ADGRB3: variants seen among roughly 807,000 people sequenced by gnomAD.
ADGRB3 encodes brain-specific angiogenesis inhibitor 3.
A neutral mutation model predicts 193.4 loss-of-function variants in ADGRB3; 37 were observed. The observed-to-expected ratio is 0.19, with a 90% CI of 0.15 to 0.25. The LOEUF (loss-of-function observed/expected upper bound fraction) is 0.25. ADGRB3 is among the 10% of genes least tolerant of loss of function. The pLI, the probability that ADGRB3 is intolerant of heterozygous loss-of-function variation, is 1.00. For missense variants in ADGRB3, 1,637 were observed against 1,852.9 expected, an observed-to-expected ratio of 0.88 and a Z score of 2.14; for synonymous variants, 690 against 644.2, an observed-to-expected ratio of 1.07 and a Z score of -1.08.
intron 20 of ADGRB3, among the ~76,000 whole-genome samples, chr6:69,303,587 A>AT (rs1456704460): frequency 6.6e-6 from 1 of 151,784 alleles, no homozygotes; most frequent in Non-Finnish European, 1.5e-5. Context: ...ACATTCAGCA[A>AT]TTTTTTTCCT....
At chr6:69,106,001 T>C (rs537866665) in intron 17 of ADGRB3, among the ~76,000 whole-genome samples, 86 of 151,646 alleles carry the variant, frequency 5.7e-4, no homozygotes, top group African/African-American at 1.9e-3. Context: ...CAGGACATGG[T>C]GGCTCGTGCC....
At chr6:68,771,509 G>T (rs1480364774) in intron 3 of ADGRB3, among the ~76,000 whole-genome samples, 1 of 151,934 alleles carries the variant, frequency 6.6e-6, no homozygotes, top group South Asian at 2.1e-4. Context: ...CCCTTTTAAA[G>T]ACAATAGTCA....
intron 17 of ADGRB3, among the ~76,000 whole-genome samples, chr6:69,204,086 A>C (rs1765487444): frequency 6.6e-6 from 1 of 151,454 alleles, no homozygotes; most frequent in Non-Finnish European, 1.5e-5. Context: ...CTGGCTGACC[A>C]GTGATGCACT....
chr6:69,081,705 T>A (rs1582446865), intron 17 of ADGRB3, among the ~76,000 whole-genome samples: 1 of 152,072 alleles, frequency 6.6e-6, no homozygotes, highest in East Asian at 1.9e-4. Flanking sequence ...TTAGAATGTT[T>A]TAAGTTACAT....
rs1288961375 is a variant in ADGRB3 at position 68,972,999 on chromosome 6, T to C, written c.1526-1764T>C. 2.0e-5 allele frequency among the ~76,000 whole-genome samples: 3 copies of C among 152,178 alleles called. No individual in the cohort carries two copies. In the East Asian group the frequency reaches 5.8e-4, roughly 29 times the overall value. On this transcript the variant is annotated intron_variant, in intron 8 of 31. Transcript: ENST00000370598. The stretch of plus-strand genomic sequence containing the variant: ...AGACAGCTTATGAAAGTGGGGCTGG[T>C]GAAGGTTGAATTAACTGCTAAACCC...
At position 69,112,174 on chromosome 6, in the gene ADGRB3, C is replaced by T. The variant is rs534560050; in HGVS notation, c.2480+36136C>T. 3.2e-3 allele frequency among the ~76,000 whole-genome samples: 494 copies of T among 152,244 alleles called. 1 individual carries two copies. Among genetic ancestry groups the T allele is most frequent in the Middle Eastern group, 0.014 (4 of 294 alleles). ...GAGGTAGCGCTGGTCCTTGTGGTTA[C>T]GTGAGCACGCCCCACCCAATGGCTG... On this transcript the variant is annotated intron_variant, in intron 17 of 31. Coordinates refer to ENST00000370598, the MANE Select transcript of ADGRB3 (RefSeq NM_001704.3).
intron 3 of ADGRB3, among the ~76,000 whole-genome samples, chr6:68,664,232 T>A (rs1039110776): frequency 6.6e-6 from 1 of 151,854 alleles, no homozygotes; most frequent in South Asian, 2.1e-4. Flanking sequence ...AATACCGATT[T>A]TTTTTTAGTA....
intron 3 of ADGRB3, among the ~76,000 whole-genome samples, chr6:68,849,317 C>T (rs501140): frequency 0.48 from 72,205 of 151,352 alleles, 17,852 homozygotes; most frequent in East Asian, 0.6. Context: ...AGCATCTAAG[C>T]TACACATTTA....
intron 3 of ADGRB3, among the ~76,000 whole-genome samples, chr6:68,886,787 G>A (rs1479770977): frequency 1.3e-5 from 2 of 151,846 alleles, no homozygotes; most frequent in African/African-American, 4.8e-5. Flanking sequence ...TATCACTTTT[G>A]TTATGGAAAT....
rs1333679032 is a variant in ADGRB3 at position 68,956,864 on chromosome 6, AAG to A, written c.1525+57_1525+58del. 5 of 1,575,830 alleles carry A rather than the reference AAG, an allele frequency of 3.2e-6. No homozygotes were observed. In the African/African-American group the frequency reaches 6.8e-5, roughly 21 times the overall value. On this transcript the variant is annotated intron_variant, in intron 8 of 31. Coordinates refer to ENST00000370598, the MANE Select transcript of ADGRB3 (RefSeq NM_001704.3). ...AAACATTTCATAACGTGAAAAAAAA[AAG>A]ATTTAAAAATATTGTCATTGGTTAA...
chr6:68,939,271 T>A (rs1427040955), intron 5 of ADGRB3, among the ~76,000 whole-genome samples: 1 of 152,132 alleles, frequency 6.6e-6, no homozygotes, highest in African/African-American at 2.4e-5. Flanking sequence ...ATTTGAAAAA[T>A]CAGATCTTGG....
At chr6:68,906,280 C>A (rs1266310613) in intron 3 of ADGRB3, among the ~76,000 whole-genome samples, 1 of 149,272 alleles carries the variant, frequency 6.7e-6, no homozygotes, top group African/African-American at 2.5e-5. Flanking sequence ...GGCCTACAAG[C>A]AAGAAGGTAT....
chr6:68,876,625 A>G (rs900384402), intron 3 of ADGRB3, among the ~76,000 whole-genome samples: 2 of 152,136 alleles, frequency 1.3e-5, no homozygotes, highest in Non-Finnish European at 2.9e-5. Context: ...TGTTTTCCAT[A>G]TATTGTTAGT....
At chr6:69,152,416 T>C (rs1258542192) in intron 17 of ADGRB3, among the ~76,000 whole-genome samples, 1 of 152,194 alleles carries the variant, frequency 6.6e-6, no homozygotes, top group Admixed American at 6.5e-5. Flanking sequence ...ATAAATGTTC[T>C]CCTATTATGT....
chr6:68,953,521 A>G (rs1034008513), intron 6 of ADGRB3, among the ~76,000 whole-genome samples: 18 of 152,196 alleles, frequency 1.2e-4, no homozygotes, highest in Non-Finnish European at 2.6e-4. Flanking sequence ...AAATTCTGAA[A>G]TGAAAAATGC....
intron 17 of ADGRB3, among the ~76,000 whole-genome samples, chr6:69,212,534 AAT>A (rs1184569568): frequency 6.7e-6 from 1 of 149,812 alleles, no homozygotes; most frequent in Non-Finnish European, 1.5e-5. Flanking sequence ...AGAAAAAAAA[AAT>A]AAAGGATCCC....
intron 16 of ADGRB3, among the ~76,000 whole-genome samples, chr6:69,067,700 C>T (rs1771947822): frequency 6.6e-6 from 1 of 151,986 alleles, no homozygotes; most frequent in Admixed American, 6.6e-5. Context: ...GTTTACAGTT[C>T]TTGGTAACTT....
chr6:68,694,938 C>T (rs1765133021), intron 3 of ADGRB3, among the ~76,000 whole-genome samples: 1 of 152,002 alleles, frequency 6.6e-6, no homozygotes, highest in Non-Finnish European at 1.5e-5. Flanking sequence ...CAGCAATACT[C>T]ATCCTTTTCT....
At position 69,122,993 on chromosome 6, in the gene ADGRB3, C is replaced by CGTGTGTGTGTGTGTGT. The variant is rs150375798; in HGVS notation, c.2480+46960_2480+46961insTGTGTGTGTGTGTGTG. On this transcript the variant is annotated intron_variant, in intron 17 of 31. Transcript: ENST00000370598. ...ATGTGTGTATATATATATACACATA[C>CGTGTGTGTGTGTGTGT]GTGTGAGTGTGTGTGTGTGTGTGTG... Among the ~76,000 whole-genome samples, 170 of 148,716 alleles carry CGTGTGTGTGTGTGTGT rather than the reference C, an allele frequency of 1.1e-3. 3 individuals are homozygous for CGTGTGTGTGTGTGTGT. Among genetic ancestry groups the CGTGTGTGTGTGTGTGT allele is most frequent in the East Asian group, 7.5e-3 (36 of 4,822 alleles).
Sources: allele counts gnomAD v4.1 joint callset (sites outside exome capture counted in the v4.1 genomes callset), GRCh38; gene constraint gnomAD v4.1.1; transcripts MANE v1.5; gene names NCBI Gene and HGNC (gene_info 2026-07-23, HGNC 2026-07-21).